Variants in C9orf152 observed in about 807,000 individuals in gnomAD.
C9orf152 encodes the protein uncharacterized protein C9orf152.
A neutral mutation model predicts 8.5 loss-of-function variants in C9orf152; 8 were observed. The observed-to-expected ratio is 0.94, with a 90% CI of 0.55 to 1.70. The LOEUF (loss-of-function observed/expected upper bound fraction) is 1.70. C9orf152 is among the 40% of genes most tolerant of loss of function. The pLI, the probability that C9orf152 is intolerant of heterozygous loss-of-function variation, is 0.00. For synonymous variants in C9orf152, 109 were observed against 113.0 expected, an observed-to-expected ratio of 0.96 and a Z score of 0.22; for missense variants, 293 against 286.2, an observed-to-expected ratio of 1.02 and a Z score of -0.17.
chr9:110,206,058 CA>C (rs112400299), intron 1 of C9orf152, among the ~76,000 whole-genome samples: 85 of 144,814 alleles, frequency 5.9e-4, no homozygotes, highest in Admixed American at 6.2e-4. Flanking sequence ...GAATCTGTCT[CA>C]AAAAAAAAAA....
In C9orf152 at chr9:110,203,735, G is replaced by A. The variant is rs112152740; in HGVS notation, c.194-2261C>T. ...TCAGGGACTGGAAGGAAATGTACTC[G>A]TTATCTATAATACCTTCTTCATTCT... is the stretch of plus-strand genomic sequence containing the variant. On this transcript the variant is annotated intron_variant, in intron 1 of 1. Coordinates refer to ENST00000400613, the MANE Select transcript of C9orf152 (RefSeq NM_001012993.3). 1.0e-2 allele frequency among the ~76,000 whole-genome samples: 1,519 copies of A among 152,290 alleles called. 25 individuals are homozygous for A. Among genetic ancestry groups the A allele is most frequent in the African/African-American group, 0.03 (1,264 of 41,550 alleles).
chr9:110,206,188 C>A (rs2118505403), intron 1 of C9orf152, among the ~76,000 whole-genome samples: 1 of 152,104 alleles, frequency 6.6e-6, no homozygotes. Flanking sequence ...TAATTTAGCA[C>A]CTAGTAATGA....
rs566614087 is a variant in C9orf152, at chr9:110,207,576, C to T, written c.4G>A (p.Glu2Lys). ...GCTGGGCACGGGCAGGGCAACCCCTCCATCCGGATCCGGGAGAAAAGCAAA... is the reference window on the plus strand; with the variant it reads ...GCTGGGCACGGGCAGGGCAACCCCTTCATCCGGATCCGGGAGAAAAGCAAA... MEGLPCPCPALP... is the reference protein window; with the variant it reads MKGLPCPCPALP... The change falls in exon 1 of 2, where the codon GAG becomes AAG. Residue 2 changes from glutamate to lysine, a missense_variant. By Grantham distance (56) the Glu-to-Lys change is moderately conservative. Transcript: ENST00000400613. 1.9e-6 allele frequency: 3 copies of T among 1,581,486 alleles called. No homozygotes were observed. Among genetic ancestry groups the T allele is most frequent in the Admixed American group, 1.9e-5 (1 of 52,836 alleles).
At chr9:110,206,398 T>A (rs1030409714) in intron 1 of C9orf152, among the ~76,000 whole-genome samples, 3 of 152,220 alleles carry the variant, frequency 2.0e-5, no homozygotes, top group Non-Finnish European at 2.9e-5. Flanking sequence ...GTTTGTTGAA[T>A]AACTGAATGA....
Position 110,207,790 on chromosome 9 carries a change from G to C in C9orf152, c.-211C>G, listed in dbSNP as rs1215302102. 13 of 512,090 alleles carry C rather than the reference G, an allele frequency of 2.5e-5. No individual in the cohort carries two copies. Among genetic ancestry groups the C allele is most frequent in the Non-Finnish European group, 4.4e-5 (13 of 295,210 alleles). The allele number at this position is 512,090 out of a possible 1,614,324, so 31.7% of individuals were successfully genotyped here. A position where few individuals can be genotyped will look rare whatever the true frequency, so the allele number is the denominator to read the frequency against. On this transcript the variant is annotated 5_prime_UTR_variant, in exon 1 of 2. Transcript: ENST00000400613. ...GGATAGGGAGAAATGTGGGGGAGGA[G>C]AAAGGTGGGAGACAGTGGCAGTAAG...
intron 1 of C9orf152, among the ~76,000 whole-genome samples, chr9:110,203,170 A>C (rs965396547): frequency 2.6e-5 from 4 of 151,870 alleles, no homozygotes; most frequent in South Asian, 2.1e-4. Flanking sequence ...TATAGGTGCC[A>C]GCCACCACGC....
rs774193978 is a variant in C9orf152, at chr9:110,207,487, A to C, written c.93T>G (p.Pro31=). 1.7e-4 allele frequency: 274 copies of C among 1,613,254 alleles called. 4 individuals carry two copies. In the Middle Eastern group the frequency reaches 0.014, roughly 84 times the overall value. Residue 31 remains proline (P), a synonymous_variant, in exon 1 of 2, where the codon CCT becomes CCG. Coordinates refer to ENST00000400613, the MANE Select transcript of C9orf152 (RefSeq NM_001012993.3). ...LMAEGSRTQA[P]GKGPPLSIQF... ...GGATGCTGAGTGGGGGCCCTTTCCC[A>C]GGGGCCTGAGTCCTGGAGCCCTCAG...
At chr9:110,202,375 G>T (rs928688964) in intron 1 of C9orf152, among the ~76,000 whole-genome samples, 1 of 152,110 alleles carries the variant, frequency 6.6e-6, no homozygotes, top group Non-Finnish European at 1.5e-5. Flanking sequence ...GAGCCACTGC[G>T]CTCGGCTGTG....
intron 1 of C9orf152, among the ~76,000 whole-genome samples, chr9:110,207,047 G>C (rs1401401516): frequency 6.6e-6 from 1 of 152,210 alleles, no homozygotes; most frequent in Non-Finnish European, 1.5e-5. Context: ...TCTCTGGTTT[G>C]TAGGAGGTGC....
In C9orf152 at chr9:110,199,912, G is replaced by T. The variant is rs1020543587; in HGVS notation, c.*1036C>A. 2 of 152,120 alleles carry T rather than the reference G, an allele frequency of 1.3e-5. No homozygotes were observed. Among genetic ancestry groups the T allele is most frequent in the African/African-American group, 4.8e-5 (2 of 41,408 alleles). The allele number at this position is 152,120 out of a possible 1,614,324, so 9.4% of individuals were successfully genotyped here. A position where few individuals can be genotyped will look rare whatever the true frequency, so the allele number is the denominator to read the frequency against. ...CTATCACCCAAGTGACACCTGCTTC[G>T]CTTTGTCTTAGGTTTAAAAATATAT... is the stretch of plus-strand genomic sequence containing the variant. On this transcript the variant is annotated 3_prime_UTR_variant, in exon 2 of 2. Transcript: ENST00000400613.
chr9:110,205,959 G>A (rs1237924217), intron 1 of C9orf152, among the ~76,000 whole-genome samples: 1 of 152,098 alleles, frequency 6.6e-6, no homozygotes, highest in African/African-American at 2.4e-5. Context: ...AGGAGGCTGA[G>A]GCAGGGAGAA....
At position 110,199,908 on chromosome 9, in the gene C9orf152, C is replaced by T. The variant is rs541352383; in HGVS notation, c.*1040G>A. ...TTCCCTATCACCCAAGTGACACCTG[C>T]TTCGCTTTGTCTTAGGTTTAAAAAT... On this transcript the variant is annotated 3_prime_UTR_variant, in exon 2 of 2. Transcript: ENST00000400613. The T allele has an allele frequency of 6.6e-6, 1 of 152,330 alleles. No individual in the cohort carries two copies. The highest frequency in any genetic ancestry group is 2.4e-5 in the African/African-American group (1 of 41,572). 9.4% of individuals were successfully genotyped at this position (152,330 alleles called of 1,614,324 possible). A position where few individuals can be genotyped will look rare whatever the true frequency, so the allele number is the denominator to read the frequency against.
chr9:110,201,924 CTG>C (rs757976750), intron 1 of C9orf152, among the ~76,000 whole-genome samples: 43 of 152,228 alleles, frequency 2.8e-4, no homozygotes, highest in Non-Finnish European at 5.4e-4. Flanking sequence ...GGAGTAAACT[CTG>C]GGAGGAGATA....
chr9:110,202,289 G>T (rs1306987632), intron 1 of C9orf152, among the ~76,000 whole-genome samples: 1 of 152,114 alleles, frequency 6.6e-6, no homozygotes, highest in East Asian at 1.9e-4. Context: ...CACCATGTTG[G>T]CCAGGCTGGT....
chr9:110,205,036 T>A (rs1837259179), intron 1 of C9orf152, among the ~76,000 whole-genome samples: 1 of 152,212 alleles, frequency 6.6e-6, no homozygotes, highest in Non-Finnish European at 1.5e-5. Flanking sequence ...CTCTTGTTCC[T>A]TAAATATTTG....
intron 1 of C9orf152, among the ~76,000 whole-genome samples, chr9:110,206,751 T>C (rs1837277482): frequency 1.3e-5 from 2 of 152,236 alleles, no homozygotes; most frequent in African/African-American, 4.8e-5. Context: ...TCTTCCCTTC[T>C]CCCTCAACCT....
At chr9:110,204,979 C>A (rs949908738) in intron 1 of C9orf152, among the ~76,000 whole-genome samples, 2 of 152,162 alleles carry the variant, frequency 1.3e-5, no homozygotes, top group Non-Finnish European at 2.9e-5. Flanking sequence ...ATATGCCTGT[C>A]CTCAAATTTT....
At position 110,207,863 on chromosome 9, in the gene C9orf152, A is replaced by G; in HGVS notation, c.-284T>C. On this transcript the variant is annotated 5_prime_UTR_variant, in exon 1 of 2. Coordinates refer to ENST00000400613, the MANE Select transcript of C9orf152 (RefSeq NM_001012993.3). ...AAGAAGGGGCAGCGAAGGGGGAAAG[A>G]CTGGAGGAAGGAGGTGATAGTGACA... 2.6e-6 allele frequency: 1 copy of G among 385,112 alleles called. No homozygotes were observed. Among genetic ancestry groups the G allele is most frequent in the East Asian group, 5.5e-5 (1 of 18,272 alleles). The allele number at this position is 385,112 out of a possible 1,614,324, so 23.9% of individuals were successfully genotyped here.
At position 110,201,109 on chromosome 9, in the gene C9orf152, T is replaced by C. The variant is rs758023338; in HGVS notation, c.559A>G (p.Thr187Ala). The C allele has an allele frequency of 1.5e-5, 24 of 1,614,104 alleles. No individual in the cohort carries two copies. Among genetic ancestry groups the C allele is most frequent in the Non-Finnish European group, 1.9e-5 (23 of 1,180,054 alleles). Residue 187 changes from threonine (T) to alanine (A), a missense_variant, in exon 2 of 2, where the codon ACA becomes GCA. Thr to Ala is a moderately conservative substitution (Grantham distance 58). Coordinates refer to ENST00000400613, the MANE Select transcript of C9orf152 (RefSeq NM_001012993.3). ...TTTAAGCCAGATTCCACTGCCTTTG[T>C]TTGGGTATTGCCCACCTGGCATGGA... is the stretch of plus-strand genomic sequence containing the variant. The part of the protein sequence containing the change: ...QLPCQVGNTQ[T>A]KAVESGLKFS...
Sources: allele counts gnomAD v4.1 joint callset (sites outside exome capture counted in the v4.1 genomes callset), GRCh38; gene constraint gnomAD v4.1.1; transcripts MANE v1.5; gene names NCBI Gene and HGNC (gene_info 2026-07-23, HGNC 2026-07-21).